Variants in CERS6 observed in about 807,000 individuals in gnomAD.
The protein encoded by CERS6 is LAG1 homolog, ceramide synthase 6.
A neutral mutation model predicts 56.8 loss-of-function variants in CERS6; 26 were observed. The observed-to-expected ratio is 0.46, with a 90% CI of 0.34 to 0.63. The LOEUF is 0.63. Among genes scored for constraint, CERS6 ranks in the 30% least tolerant of loss-of-function variants. The pLI is 0.01. For missense variants in CERS6, 415 were observed against 467.5 expected (o/e 0.89, Z 1.04); for synonymous variants, 164 against 173.3 (o/e 0.95, Z 0.42).
At chr2:168,686,195 G>A (rs1379915911) in intron 4 of CERS6, among the ~76,000 whole-genome samples, 4 of 150,298 alleles carry the variant, frequency 2.7e-5, no homozygotes, top group Non-Finnish European at 5.9e-5. Flanking sequence ...TATGCAGAGA[G>A]CAACCTTCTC....
intron 1 of CERS6, among the ~76,000 whole-genome samples, chr2:168,538,050 CTT>C (rs1695297101): frequency 6.6e-6 from 1 of 152,136 alleles, no homozygotes; most frequent in Non-Finnish European, 1.5e-5. Context: ...CTCACTGCCT[CTT>C]TTGCTGCCAC....
intron 8 of CERS6, among the ~76,000 whole-genome samples, chr2:168,724,949 G>T (rs563561004): frequency 4.6e-5 from 7 of 152,236 alleles, no homozygotes; most frequent in African/African-American, 1.7e-4. Context: ...GGAGCAGGGG[G>T]TGGCACTCGT....
chr2:168,669,219 C>T (rs535394457), intron 4 of CERS6, among the ~76,000 whole-genome samples: 1 of 152,206 alleles, frequency 6.6e-6, no homozygotes, highest in Non-Finnish European at 1.5e-5. Flanking sequence ...CAGATTATTT[C>T]CTGGTGCAAG....
intron 8 of CERS6, among the ~76,000 whole-genome samples, chr2:168,725,478 A>G (rs1683324326): frequency 1.3e-5 from 2 of 152,384 alleles, no homozygotes; most frequent in South Asian, 4.1e-4. Context: ...ACATCCTTAA[A>G]TAATTTGATT....
intron 3 of CERS6, among the ~76,000 whole-genome samples, chr2:168,620,171 C>T (rs1456953727): frequency 6.6e-6 from 1 of 151,816 alleles, no homozygotes; most frequent in African/African-American, 2.4e-5. Context: ...AGTGAAGTAA[C>T]TCAGGAATGG....
intron 3 of CERS6, among the ~76,000 whole-genome samples, chr2:168,593,446 TTAAATAAGGGGA>T (rs1471509093): frequency 6.6e-6 from 1 of 152,192 alleles, no homozygotes; most frequent in African/African-American, 2.4e-5. Context: ...GCAAAGTGAC[TTAAATAAGGGGA>T]TAAAAGAGGC....
chr2:168,756,040 AC>A (rs1052135623), intron 8 of CERS6, among the ~76,000 whole-genome samples: 4 of 152,244 alleles, frequency 2.6e-5, no homozygotes, highest in African/African-American at 7.2e-5. Context: ...GCCCAGGAGC[AC>A]TTGGCCTGCC....
intron 3 of CERS6, among the ~76,000 whole-genome samples, chr2:168,565,402 C>T (rs1198326822): frequency 6.6e-6 from 1 of 152,054 alleles, no homozygotes; most frequent in Non-Finnish European, 1.5e-5. Flanking sequence ...TGACACACAT[C>T]CCTGGTTAAG....
At chr2:168,617,990 A>G (rs1684360107) in intron 3 of CERS6, among the ~76,000 whole-genome samples, 1 of 152,222 alleles carries the variant, frequency 6.6e-6, no homozygotes, top group Non-Finnish European at 1.5e-5. Flanking sequence ...TTAACAAAGT[A>G]CTAGCTAACC....
intron 8 of CERS6, among the ~76,000 whole-genome samples, chr2:168,739,612 A>AT (rs1683831295): frequency 6.6e-6 from 1 of 151,882 alleles, no homozygotes; most frequent in Admixed American, 6.6e-5. Context: ...CGTTAAATTT[A>AT]TTTTTTATTT....
At chr2:168,524,028 G>A (rs1287047840) in intron 1 of CERS6, among the ~76,000 whole-genome samples, 1 of 152,208 alleles carries the variant, frequency 6.6e-6, no homozygotes, top group African/African-American at 2.4e-5. Context: ...ATCTTCTCCA[G>A]TAGACATGCT....
intron 8 of CERS6, among the ~76,000 whole-genome samples, chr2:168,752,477 T>TGAACAG (rs1684302576): frequency 6.6e-6 from 1 of 152,186 alleles, no homozygotes; most frequent in Admixed American, 6.5e-5. Flanking sequence ...TTTGCTGGAT[T>TGAACAG]GAACAGGAAT....
At position 168,765,483 on chromosome 2, in the gene CERS6, G is replaced by C. The variant is rs369266570; in HGVS notation, c.846-109G>C. On this transcript the variant is annotated intron_variant, in intron 8 of 9. Transcript: ENST00000305747. ...GCTTTCACACCATCCTGCCAGAGAG[G>C]GGGTAGTTGGGAGATATTGTTGACC... The C allele has an allele frequency of 1.9e-5, 20 of 1,076,338 alleles. No individual in the cohort carries two copies. In the Middle Eastern group the frequency reaches 6.4e-4, roughly 35 times the overall value. 66.7% of individuals were successfully genotyped at this position (1,076,338 alleles called of 1,614,324 possible). A position where few individuals can be genotyped will look rare whatever the true frequency, so the allele number is the denominator to read the frequency against.
At chr2:168,587,517 C>T (rs1365990206) in intron 3 of CERS6, among the ~76,000 whole-genome samples, 6 of 152,188 alleles carry the variant, frequency 3.9e-5, no homozygotes, top group Non-Finnish European at 1.5e-5. Flanking sequence ...TGAAGGTTTT[C>T]TTGGCCTCTG....
intron 2 of CERS6, among the ~76,000 whole-genome samples, chr2:168,555,280 T>C (rs907097859): frequency 6.6e-6 from 1 of 152,070 alleles, no homozygotes; most frequent in Non-Finnish European, 1.5e-5. Flanking sequence ...TACTGTCTTA[T>C]TAACTCTTGG....
At chr2:168,680,455 C>T (rs934727451) in intron 4 of CERS6, among the ~76,000 whole-genome samples, 5 of 152,164 alleles carry the variant, frequency 3.3e-5, no homozygotes, top group Admixed American at 1.3e-4. Flanking sequence ...ATAGGTTCTT[C>T]CCTCCATCTG....
At chr2:168,592,486 A>C (rs1227925097) in intron 3 of CERS6, among the ~76,000 whole-genome samples, 1 of 152,114 alleles carries the variant, frequency 6.6e-6, no homozygotes, top group African/African-American at 2.4e-5. Flanking sequence ...TTGAGCAGGA[A>C]GGGTATTTGA....
At chr2:168,563,539 T>C (rs1343737509) in intron 3 of CERS6, among the ~76,000 whole-genome samples, 2 of 152,222 alleles carry the variant, frequency 1.3e-5, no homozygotes, top group Non-Finnish European at 2.9e-5. Context: ...GGCTCACGCC[T>C]GTAATCCCAG....
chr2:168,477,735 G>A (rs1017305558), intron 1 of CERS6, among the ~76,000 whole-genome samples: 5 of 152,138 alleles, frequency 3.3e-5, no homozygotes, highest in South Asian at 2.1e-4. Flanking sequence ...GGGATTGTAC[G>A]TGTTTATATA....
Sources: allele counts gnomAD v4.1 joint callset (sites outside exome capture counted in the v4.1 genomes callset), GRCh38; gene constraint gnomAD v4.1.1; transcripts MANE v1.5; gene names NCBI Gene and HGNC (gene_info 2026-07-23, HGNC 2026-07-21).